ALCAM: variants seen among roughly 807,000 people sequenced by gnomAD.
ALCAM encodes activated leukocyte cell adhesion molecule, also known as CD166 antigen.
A neutral mutation model predicts 70.9 loss-of-function variants in ALCAM; 30 were observed. The ratio of observed to expected loss-of-function variants is 0.42; its 90% CI spans 0.32 to 0.57. The LOEUF is 0.57. ALCAM is among the 20% of genes least tolerant of loss of function. The pLI is 0.11. For synonymous variants in ALCAM, 249 were observed against 242.5 expected, an observed-to-expected ratio of 1.03 and a Z score of -0.25; for missense variants, 591 against 695.1, an observed-to-expected ratio of 0.85 and a Z score of 1.68.
intron 1 of ALCAM, among the ~76,000 whole-genome samples, chr3:105,480,949 G>A (rs1938253631): frequency 6.6e-6 from 1 of 152,038 alleles, no homozygotes; most frequent in Non-Finnish European, 1.5e-5. Context: ...AAATCCTGTT[G>A]TCTGATTGAT....
chr3:105,395,265 G>A (rs1453213175), intron 1 of ALCAM, among the ~76,000 whole-genome samples: 3 of 151,742 alleles, frequency 2.0e-5, no homozygotes, highest in Non-Finnish European at 4.4e-5. Flanking sequence ...TACTCTTCAG[G>A]TTGTACAATC....
rs566945207 is a variant in ALCAM, at chr3:105,399,316, C to G, written c.73+31835C>G. ...AGGAAATTGCATGCCTGTTACCTTTCTAAAAGCTAGTGCAGTGATTGTTGG... is the reference window on the plus strand; with the variant it reads ...AGGAAATTGCATGCCTGTTACCTTTGTAAAAGCTAGTGCAGTGATTGTTGG... On this transcript the variant is annotated intron_variant, in intron 1 of 15. Transcript: ENST00000306107. Among the ~76,000 whole-genome samples the G allele has an allele frequency of 2.6e-5, 4 of 152,040 alleles. No individual in the cohort carries two copies. In the South Asian group the frequency reaches 6.2e-4, roughly 24 times the overall value.
chr3:105,551,706 T>C (rs13073764), intron 12 of ALCAM, among the ~76,000 whole-genome samples: 10,306 of 151,584 alleles, frequency 0.068, 420 homozygotes, highest in African/African-American at 0.099. Flanking sequence ...AGAACATCTC[T>C]AGTGGTAAGT....
intron 1 of ALCAM, among the ~76,000 whole-genome samples, chr3:105,448,939 C>G (rs999881884): frequency 2.0e-5 from 3 of 152,188 alleles, no homozygotes; most frequent in Non-Finnish European, 4.4e-5. Context: ...AGGGAAACAG[C>G]TTGAGTATAA....
intron 1 of ALCAM, among the ~76,000 whole-genome samples, chr3:105,368,223 A>AATAGAGAGAGAGAGAGAGAGAGAGAG (rs1935122397): frequency 1.5e-5 from 1 of 67,790 alleles, no homozygotes; most frequent in Non-Finnish European, 2.8e-5. Flanking sequence ...TGAGTCTTGG[A>AATAGAGAGAGAGAGAGAGAGAGAGAG]AGAGAGAGAG....
At chr3:105,392,342 T>A (rs1203773912) in intron 1 of ALCAM, among the ~76,000 whole-genome samples, 2 of 152,002 alleles carry the variant, frequency 1.3e-5, no homozygotes, top group Non-Finnish European at 2.9e-5. Flanking sequence ...CTTCTAGATT[T>A]TCTAGTTTAT....
At chr3:105,525,347 G>A (rs182651351) in intron 3 of ALCAM, 552 of 981,426 alleles carry the variant, frequency 5.6e-4, no homozygotes, top group Non-Finnish European at 6.4e-4. Flanking sequence ...TGAATGACTT[G>A]AGAAGTTATA....
At chr3:105,521,096 T>C (rs1461821394) in intron 2 of ALCAM, among the ~76,000 whole-genome samples, 2 of 149,984 alleles carry the variant, frequency 1.3e-5, no homozygotes, top group Non-Finnish European at 3.0e-5. Context: ...GGTCAGGAGA[T>C]CGAGACCATC....
Position 105,524,386 on chromosome 3 carries a change from A to G in ALCAM, c.272A>G (p.Asn91Ser), listed in dbSNP as rs149366678. 81 of 1,614,044 alleles carry G rather than the reference A, an allele frequency of 5.0e-5. No individual in the cohort carries two copies. In the African/African-American group the frequency reaches 9.6e-4, roughly 19 times the overall value. ...DDVPEYKDRL[N>S]LSENYTLSIS... is the part of the protein sequence containing the mutation. ...GTACCAGAATACAAAGACAGATTGA[A>G]CCTCTCAGAAAACTACACTTTGTCT... The change falls in exon 3 of 16, where the codon AAC becomes AGC. Residue 91 changes from asparagine (N) to serine (S), a missense_variant. Coordinates refer to ENST00000306107, the MANE Select transcript of ALCAM (RefSeq NM_001627.4).
intron 1 of ALCAM, among the ~76,000 whole-genome samples, chr3:105,432,955 A>G (rs1346543688): frequency 6.6e-6 from 1 of 152,192 alleles, no homozygotes; most frequent in African/African-American, 2.4e-5. Flanking sequence ...TTCCAAACTA[A>G]TATCAACACT....
chr3:105,434,464 T>C (rs1937007000), intron 1 of ALCAM, among the ~76,000 whole-genome samples: 1 of 152,094 alleles, frequency 6.6e-6, no homozygotes, highest in Non-Finnish European at 1.5e-5. Context: ...TTAAATTAGA[T>C]TTTAATTTAA....
At chr3:105,537,340 C>A (rs1939995998) in intron 6 of ALCAM, among the ~76,000 whole-genome samples, 1 of 152,128 alleles carries the variant, frequency 6.6e-6, no homozygotes, top group African/African-American at 2.4e-5. Flanking sequence ...TGTCTGCCCA[C>A]CATTCTCTGT....
At chr3:105,470,094 CAT>C (rs1214349531) in intron 1 of ALCAM, among the ~76,000 whole-genome samples, 1 of 132,604 alleles carries the variant, frequency 7.5e-6, no homozygotes, top group Non-Finnish European at 1.6e-5. Flanking sequence ...TATATACACA[CAT>C]ATACATATAT....
chr3:105,389,834 A>G (rs923978846), intron 1 of ALCAM, among the ~76,000 whole-genome samples: 5 of 149,786 alleles, frequency 3.3e-5, no homozygotes, highest in Non-Finnish European at 7.4e-5. Context: ...AGAACATGTG[A>G]TGTTTGGCTT....
intron 1 of ALCAM, among the ~76,000 whole-genome samples, chr3:105,438,587 G>A (rs1004593526): frequency 2.0e-5 from 3 of 152,102 alleles, no homozygotes; most frequent in Non-Finnish European, 4.4e-5. Flanking sequence ...ATTTTATTAG[G>A]TATATAGGTT....
intron 1 of ALCAM, among the ~76,000 whole-genome samples, chr3:105,482,038 G>A (rs1938285071): frequency 6.6e-6 from 1 of 151,994 alleles, no homozygotes; most frequent in African/African-American, 2.4e-5. Flanking sequence ...AAGTTTAATG[G>A]AAAACAAATG....
intron 1 of ALCAM, among the ~76,000 whole-genome samples, chr3:105,450,181 GAGATACCCCA>G (rs1937394014): frequency 6.6e-6 from 1 of 152,142 alleles, no homozygotes; most frequent in South Asian, 2.1e-4. Flanking sequence ...AGAAATGGTT[GAGATACCCCA>G]AGACTTAAAT....
rs928090800 is a variant in ALCAM at position 105,575,918 on chromosome 3, A to G, written c.*1467A>G. On this transcript the variant is annotated 3_prime_UTR_variant, in exon 16 of 16. Transcript: ENST00000306107. ...ATAAAAAATTATGAAGGCAATGAAA[A>G]ATAAATTGAAAATTAAAGTCAGATG... 5 of 152,190 alleles carry G rather than the reference A, an allele frequency of 3.3e-5. No homozygotes were observed. The highest frequency in any genetic ancestry group is 9.6e-5 in the African/African-American group (4 of 41,460). The allele number at this position is 152,190 out of a possible 1,614,324, so 9.4% of individuals were successfully genotyped here. A position where few individuals can be genotyped will look rare whatever the true frequency, so the allele number is the denominator to read the frequency against.
intron 1 of ALCAM, among the ~76,000 whole-genome samples, chr3:105,415,733 A>G (rs930666961): frequency 6.6e-6 from 1 of 152,046 alleles, no homozygotes; most frequent in Non-Finnish European, 1.5e-5. Context: ...ATTTATGTCA[A>G]AATATTATGT....
Sources: gnomAD v4.1 joint callset for allele counts (sites outside exome capture counted in the v4.1 genomes callset) on GRCh38, gnomAD v4.1.1 for gene constraint, MANE v1.5 for transcripts, NCBI Gene and HGNC (gene_info 2026-07-23, HGNC 2026-07-21) for gene names.